Variants in NAALADL2 observed in about 807,000 individuals in gnomAD.
The protein encoded by NAALADL2 is inactive N-acetylated-alpha-linked acidic dipeptidase-like protein 2.
A neutral mutation model predicts 87.2 loss-of-function variants in NAALADL2; 76 were observed. The observed-to-expected ratio is 0.87, with a 90% CI of 0.72 to 1.05. NAALADL2 has a LOEUF of 1.05. Ranked by LOEUF, NAALADL2 falls within the 50% of genes least tolerant of loss-of-function variation. NAALADL2 has a pLI of 0.00. For synonymous variants in NAALADL2, 354 were observed against 331.0 expected, an observed-to-expected ratio of 1.07 and a Z score of -0.75; for missense variants, 1,089 against 945.8, an observed-to-expected ratio of 1.15 and a Z score of -1.99.
intron 1 of NAALADL2, among the ~76,000 whole-genome samples, chr3:174,999,959 G>A (rs978364335): frequency 6.6e-6 from 1 of 151,762 alleles, no homozygotes; most frequent in East Asian, 1.9e-4. Context: ...GTGCCAGATA[G>A]GTATATTTGA....
chr3:175,575,874 C>T (rs1718795967), intron 9 of NAALADL2, among the ~76,000 whole-genome samples, 167 bp from the exon 10 acceptor site: 1 of 152,154 alleles, frequency 6.6e-6, no homozygotes, highest in Non-Finnish European at 1.5e-5. Flanking sequence ...TTCCTGGGCT[C>T]TACCACCCAT....
Position 175,096,925 on chromosome 3 carries a change from G to C in NAALADL2, c.179G>C (p.Gly60Ala). Reference protein sequence around the residue: ...WDMEKELEESGFDQFQLDGAE... With the variant: ...WDMEKELEESAFDQFQLDGAE... ...ATGGAGAAGGAACTAGAGGAGTCTG[G>C]TTTTGACCAATTCCAGCTAGACGGT... Residue 60 changes from glycine to alanine, a missense_variant, in exon 2 of 14, where the codon GGT (glycine) becomes GCT (alanine). Gly to Ala is a moderately conservative substitution (Grantham distance 60). Transcript: ENST00000454872. 1 of 1,613,434 alleles carries C rather than the reference G, an allele frequency of 6.2e-7. No homozygotes were observed. The highest frequency in any genetic ancestry group is 1.1e-5 in the South Asian group (1 of 91,062).
chr3:175,617,082 A>G (rs1364394290), intron 10 of NAALADL2, among the ~76,000 whole-genome samples: 1 of 152,156 alleles, frequency 6.6e-6, no homozygotes, highest in Non-Finnish European at 1.5e-5. Context: ...GCTTTCAAAC[A>G]TGATTAAAAA....
intron 11 of NAALADL2, among the ~76,000 whole-genome samples, chr3:175,713,177 G>C (rs1401149187): frequency 2.0e-5 from 3 of 151,946 alleles, no homozygotes; most frequent in Non-Finnish European, 4.4e-5. Context: ...GTAATAACAG[G>C]GTTAATGTTC....
intron 1 of NAALADL2, among the ~76,000 whole-genome samples, chr3:174,492,846 C>T (rs1377013251): frequency 6.6e-6 from 1 of 152,166 alleles, no homozygotes; most frequent in Non-Finnish European, 1.5e-5. Flanking sequence ...AAGTGAAGAA[C>T]TGAAGCACCA....
intron 2 of NAALADL2, among the ~76,000 whole-genome samples, chr3:175,173,309 A>AAAATAAAT (rs55984097): frequency 3.4e-4 from 47 of 139,962 alleles, no homozygotes; most frequent in African/African-American, 7.9e-4. Context: ...ATAAATAAAT[A>AAAATAAAT]AAATAAATAA....
chr3:174,827,013 ATATGT>A (rs1215355841), intron 3 of NAALADL2, among the ~76,000 whole-genome samples: 1 of 152,188 alleles, frequency 6.6e-6, no homozygotes, highest in Non-Finnish European at 1.5e-5. Context: ...ATCATTCATG[ATATGT>A]TCATAGCCTA....
chr3:175,144,422 AAT>A (rs1278265143), intron 2 of NAALADL2, among the ~76,000 whole-genome samples: 1 of 151,996 alleles, frequency 6.6e-6, no homozygotes, highest in Non-Finnish European at 1.5e-5. Flanking sequence ...TATTCTGAAA[AAT>A]ATATGAGTTA....
At chr3:175,497,786 TA>T (rs1729014366) in intron 9 of NAALADL2, among the ~76,000 whole-genome samples, 1 of 152,144 alleles carries the variant, frequency 6.6e-6, no homozygotes, top group African/African-American at 2.4e-5. Context: ...ATAAGTGTTG[TA>T]ATATAGGTGC....
chr3:175,132,702 A>C (rs2108649850), intron 2 of NAALADL2, among the ~76,000 whole-genome samples: 1 of 134,924 alleles, frequency 7.4e-6, no homozygotes, highest in African/African-American at 2.9e-5. Context: ...CTGGCTGGGC[A>C]GAGGGGCTCC....
At chr3:174,804,382 T>C (rs1719212657) in intron 3 of NAALADL2, among the ~76,000 whole-genome samples, 1 of 152,170 alleles carries the variant, frequency 6.6e-6, no homozygotes, top group African/African-American at 2.4e-5. Context: ...ACATTGGGGT[T>C]TTCTAAATAT....
intron 1 of NAALADL2, among the ~76,000 whole-genome samples, chr3:175,063,058 A>C (rs1713840598): frequency 6.6e-6 from 1 of 152,140 alleles, no homozygotes; most frequent in Non-Finnish European, 1.5e-5. Flanking sequence ...TATAAAATGG[A>C]GCTGGCTATG....
chr3:175,775,655 G>A (rs997362871), intron 13 of NAALADL2, among the ~76,000 whole-genome samples: 4 of 152,124 alleles, frequency 2.6e-5, no homozygotes, highest in African/African-American at 9.6e-5. Flanking sequence ...TGCGAAGTCT[G>A]TTCGCCTGAA....
In NAALADL2 at chr3:175,023,335, G is replaced by A. The variant is rs183989107; in HGVS notation, c.44-73455G>A. On this transcript the variant is annotated intron_variant, in intron 1 of 13. Coordinates refer to ENST00000454872, the MANE Select transcript of NAALADL2 (RefSeq NM_207015.3). Reference sequence around the variant, plus strand: ...GTAATTTATTCATATTTCAATTTATGCCTCATTGTTTCTTATCACATAAAT... The same window carrying A: ...GTAATTTATTCATATTTCAATTTATACCTCATTGTTTCTTATCACATAAAT... Among the ~76,000 whole-genome samples, 4 of 152,020 alleles carry A rather than the reference G, an allele frequency of 2.6e-5. No homozygotes were observed. In the East Asian group the frequency reaches 5.8e-4, roughly 22 times the overall value.
intron 11 of NAALADL2, among the ~76,000 whole-genome samples, chr3:175,630,475 T>C (rs1727606886): frequency 6.6e-6 from 1 of 151,720 alleles, no homozygotes; most frequent in South Asian, 2.1e-4. Flanking sequence ...TATTAACTCA[T>C]TAAAAAAAAC....
chr3:175,493,988 C>CAA (rs796146299), intron 9 of NAALADL2, among the ~76,000 whole-genome samples: 26 of 152,124 alleles, frequency 1.7e-4, no homozygotes, highest in African/African-American at 5.3e-4. Flanking sequence ...TTGTAACATA[C>CAA]AAGGCTTAAA....
chr3:175,283,239 C>T (rs1232386549), intron 4 of NAALADL2, among the ~76,000 whole-genome samples: 6 of 152,006 alleles, frequency 3.9e-5, no homozygotes, highest in Non-Finnish European at 8.8e-5. Context: ...CATCTTCTTC[C>T]GTTTACCGAG....
chr3:175,736,586 G>T (rs570787021), intron 11 of NAALADL2, among the ~76,000 whole-genome samples: 3 of 152,310 alleles, frequency 2.0e-5, no homozygotes, highest in South Asian at 2.1e-4. Context: ...TAACACAGAG[G>T]TTATAATCAC....
At chr3:174,694,042 T>C (rs949707638) in intron 2 of NAALADL2, among the ~76,000 whole-genome samples, 20 of 152,164 alleles carry the variant, frequency 1.3e-4, no homozygotes, top group African/African-American at 4.8e-4. Flanking sequence ...TCCACAAGTC[T>C]TACATACACC....
Sources: allele counts gnomAD v4.1 joint callset (sites outside exome capture counted in the v4.1 genomes callset), GRCh38; gene constraint gnomAD v4.1.1; transcripts MANE v1.5; gene names NCBI Gene and HGNC (gene_info 2026-07-23, HGNC 2026-07-21).